The following GALNT13 variants were observed in gnomAD, a reference collection of about 807,000 sequenced individuals.
The protein encoded by GALNT13 is polypeptide N-acetylgalactosaminyltransferase 13, also known as UDP-GalNAc:polypeptide N-acetylgalactosaminyltransferase 13.
In GALNT13, 28 loss-of-function variants were observed where a neutral mutation model predicts 64.2. The ratio of observed to expected loss-of-function variants is 0.44; its 90% confidence interval spans 0.32 to 0.60. The LOEUF (loss-of-function observed/expected upper bound fraction) is 0.60, where lower values mean the gene tolerates loss of function less well. Among genes scored for constraint, GALNT13 ranks in the 20% least tolerant of loss-of-function variants. The pLI, the probability that GALNT13 is intolerant of heterozygous loss-of-function variation, is 0.05. For synonymous variants in GALNT13, 214 were observed against 224.6 expected, an observed-to-expected ratio of 0.95 and a Z score of 0.42; for missense variants, 577 against 669.8, an observed-to-expected ratio of 0.86 and a Z score of 1.53.
chr2:153,088,792 T>C, the GALNT13 span, among the ~76,000 whole-genome samples: 4 of 152,162 alleles, frequency 2.6e-5, no homozygotes, highest in Non-Finnish European at 4.4e-5. Flanking sequence ...TAGCTACTCC[T>C]GCTTGCATTT....
chr2:153,956,772 G>T (rs1692595678), intron 3 of GALNT13, among the ~76,000 whole-genome samples: 1 of 151,514 alleles, frequency 6.6e-6, no homozygotes, highest in South Asian at 2.1e-4. Context: ...GTAAACCTAG[G>T]GAGGAAGAAA....
chr2:153,478,361 C>T, the GALNT13 span: 1 of 1,614,162 alleles, frequency 6.2e-7, no homozygotes, highest in Non-Finnish European at 8.5e-7. Flanking sequence ...CCGAAGACCA[C>T]GGTGAGTGAG....
the GALNT13 span, among the ~76,000 whole-genome samples, chr2:153,655,394 G>T: frequency 1.3e-5 from 2 of 152,054 alleles, no homozygotes; most frequent in African/African-American, 4.8e-5. Flanking sequence ...TTAAATTTTA[G>T]TATCCCTGAC....
At chr2:153,204,707 T>C in the GALNT13 span, among the ~76,000 whole-genome samples, 2 of 152,190 alleles carry the variant, frequency 1.3e-5, no homozygotes, top group Non-Finnish European at 2.9e-5. Flanking sequence ...TAAGCACAAA[T>C]GTTTTGAGTT....
Position 154,258,884 on chromosome 2 carries a change from T to C in GALNT13, c.858-137T>C, listed in dbSNP as rs548967175. 25 of 559,294 alleles carry C rather than the reference T, an allele frequency of 4.5e-5. No individual in the cohort carries two copies. In the African/African-American group the frequency reaches 4.7e-4, roughly 11 times the overall value. 34.6% of individuals were successfully genotyped at this position (559,294 alleles called of 1,614,324 possible). A position where few individuals can be genotyped will look rare whatever the true frequency, so the allele number is the denominator to read the frequency against. On this transcript the variant is annotated intron_variant, in intron 7 of 12. Coordinates refer to ENST00000392825, the MANE Select transcript of GALNT13 (RefSeq NM_052917.4). ...TGCTATTTCTTAATTTTAAAACTTC[T>C]TACACCTTGACTTTGTGTTTTTAGT...
the GALNT13 span, among the ~76,000 whole-genome samples, chr2:153,373,306 A>G: frequency 6.6e-6 from 1 of 152,180 alleles, no homozygotes; most frequent in Non-Finnish European, 1.5e-5. Context: ...AACAAAGAGT[A>G]TTTACTAAAA....
chr2:153,126,543 A>G, the GALNT13 span, among the ~76,000 whole-genome samples: 14 of 151,972 alleles, frequency 9.2e-5, no homozygotes, highest in African/African-American at 3.4e-4. Context: ...GCCTGATTTC[A>G]ACATATTTTC....
chr2:153,442,151 C>T, the GALNT13 span, among the ~76,000 whole-genome samples: 1 of 152,128 alleles, frequency 6.6e-6, no homozygotes, highest in Non-Finnish European at 1.5e-5. Flanking sequence ...GAGTTCTTAG[C>T]ATGATGGGGA....
At chr2:154,287,160 A>T in intron 8 of GALNT13, 1 of 1,480,848 alleles carries the variant, frequency 6.8e-7, no homozygotes, top group Non-Finnish European at 9.3e-7. Flanking sequence ...GAAGCGGTGG[A>T]AGCCAAACAA....
chr2:153,264,258 A>T, the GALNT13 span, among the ~76,000 whole-genome samples: 7 of 151,888 alleles, frequency 4.6e-5, no homozygotes, highest in Non-Finnish European at 8.8e-5. Context: ...TGCCAGTTTG[A>T]ATGGCGACTA....
At chr2:153,819,686 T>C in the GALNT13 span, among the ~76,000 whole-genome samples, 3 of 152,176 alleles carry the variant, frequency 2.0e-5, no homozygotes, top group East Asian at 5.8e-4. Context: ...AGCTAGTTCT[T>C]TCCTGCAAGC....
the GALNT13 span, among the ~76,000 whole-genome samples, chr2:153,072,914 G>A: frequency 6.6e-6 from 1 of 152,010 alleles, no homozygotes; most frequent in East Asian, 1.9e-4. Flanking sequence ...ATCTTCTATT[G>A]AGCATCGTTC....
the GALNT13 span, among the ~76,000 whole-genome samples, chr2:153,556,327 T>C: frequency 6.6e-6 from 1 of 152,212 alleles, no homozygotes; most frequent in East Asian, 1.9e-4. Context: ...TTATTTCCAC[T>C]TCAGTCTATA....
At chr2:153,329,149 T>C in the GALNT13 span, among the ~76,000 whole-genome samples, 3 of 151,818 alleles carry the variant, frequency 2.0e-5, no homozygotes, top group African/African-American at 7.3e-5. Flanking sequence ...TTCTAACCAG[T>C]CCCAATGAGA....
At chr2:153,755,533 C>A in the GALNT13 span, among the ~76,000 whole-genome samples, 1 of 151,968 alleles carries the variant, frequency 6.6e-6, no homozygotes. Context: ...TATCCATTGA[C>A]CTCTTGTATG....
chr2:153,155,517 T>A, the GALNT13 span, among the ~76,000 whole-genome samples: 1 of 152,314 alleles, frequency 6.6e-6, no homozygotes, highest in African/African-American at 2.4e-5. Flanking sequence ...CATAGAAGTG[T>A]TCATAATATT....
rs190096464 is a variant in GALNT13, at chr2:154,291,329, A to G, written c.976-10080A>G. ...ACACAGAGCACTGATTGGTGCGTTT[A>G]CAAAACCTTTAGCTAGACACAGAGT... On this transcript the variant is annotated intron_variant, in intron 8 of 12. Transcript: ENST00000392825. Among the ~76,000 whole-genome samples, 15 of 152,200 alleles carry G rather than the reference A, an allele frequency of 9.9e-5. No homozygotes were observed. In the East Asian group the frequency reaches 2.1e-3, roughly 22 times the overall value.
At chr2:154,340,665 A>G (rs959389281) in intron 9 of GALNT13, among the ~76,000 whole-genome samples, 1 of 152,140 alleles carries the variant, frequency 6.6e-6, no homozygotes, top group African/African-American at 2.4e-5. Flanking sequence ...AACTAGTCCC[A>G]CATTAAATTC....
At chr2:154,266,760 A>G (rs1478131592) in intron 8 of GALNT13, among the ~76,000 whole-genome samples, 1 of 151,802 alleles carries the variant, frequency 6.6e-6, no homozygotes, top group East Asian at 2.0e-4. Flanking sequence ...ATTCAATGCA[A>G]TAGTTAAGTG....
Sources: gnomAD v4.1 joint callset for allele counts (sites outside exome capture counted in the v4.1 genomes callset) on GRCh38, gnomAD v4.1.1 for gene constraint, MANE v1.5 for transcripts, NCBI Gene and HGNC (gene_info 2026-07-23, HGNC 2026-07-21) for gene names.